VSTM4: variants seen among roughly 807,000 people sequenced by gnomAD.
VSTM4 encodes the protein V-set and transmembrane domain containing 4, also known as V-set and transmembrane domain-containing protein 4.
Under a neutral mutation model 36.4 loss-of-function variants are expected in VSTM4, and 20 were observed. That is an observed-to-expected ratio of 0.55 (90% CI 0.39 to 0.80). VSTM4 has a LOEUF of 0.80. VSTM4 is among the 30% of genes least tolerant of loss of function. The pLI, the probability that VSTM4 is intolerant of heterozygous loss-of-function variation, is 0.00. For missense variants in VSTM4, 392 were observed against 404.5 expected, an observed-to-expected ratio of 0.97 and a Z score of 0.26; for synonymous variants, 182 against 173.9, an observed-to-expected ratio of 1.05 and a Z score of -0.37.
At chr10:49,041,013 CAA>C (rs1028233982) in intron 7 of VSTM4, among the ~76,000 whole-genome samples, 7 of 152,124 alleles carry the variant, frequency 4.6e-5, no homozygotes, top group African/African-American at 1.7e-4. Context: ...AAGATGTCTC[CAA>C]ATTATTTTCT....
At chr10:49,073,799 A>G (rs1478829684) in intron 4 of VSTM4, among the ~76,000 whole-genome samples, 2 of 152,250 alleles carry the variant, frequency 1.3e-5, no homozygotes, top group African/African-American at 4.8e-5. Flanking sequence ...GACTTTGAGT[A>G]ACCCTCTTGA....
At position 49,016,239 on chromosome 10, in the gene VSTM4, A is replaced by G. The variant is rs1396801091; in HGVS notation, c.*3411T>C. The G allele has an allele frequency of 3.9e-5, 6 of 152,248 alleles. No homozygotes were observed. Among genetic ancestry groups the G allele is most frequent in the African/African-American group, 1.2e-4 (5 of 41,446 alleles). 9.4% of individuals were successfully genotyped at this position (152,248 alleles called of 1,614,324 possible). A position where few individuals can be genotyped will look rare whatever the true frequency, so the allele number is the denominator to read the frequency against. On this transcript the variant is annotated 3_prime_UTR_variant, in exon 8 of 8. Coordinates refer to ENST00000332853, the MANE Select transcript of VSTM4 (RefSeq NM_001031746.5). The stretch of plus-strand genomic sequence containing the variant: ...TGACCAAAACCAGGATTTAAACAGC[A>G]GAGTAATTAGAGAGTTTATGGAAGA...
intron 1 of VSTM4, among the ~76,000 whole-genome samples, chr10:49,111,489 G>A (rs866302259): frequency 6.6e-6 from 1 of 152,156 alleles, no homozygotes; most frequent in Non-Finnish European, 1.5e-5. Context: ...GGTGTCACTC[G>A]CCCCCTCCTC....
At chr10:49,105,330 G>T (rs367831428) in intron 2 of VSTM4, among the ~76,000 whole-genome samples, 2 of 79,544 alleles carry the variant, frequency 2.5e-5, no homozygotes, top group Non-Finnish European at 4.5e-5. Flanking sequence ...AGAGAGAGAC[G>T]GGGGGGGGAG....
chr10:49,095,861 T>A (rs549382552), intron 2 of VSTM4, among the ~76,000 whole-genome samples: 16 of 152,306 alleles, frequency 1.1e-4, no homozygotes, highest in African/African-American at 3.4e-4. Flanking sequence ...ATCAAACATC[T>A]CCATCTGTAC....
At chr10:49,066,788 A>T (rs904764869) in intron 4 of VSTM4, among the ~76,000 whole-genome samples, 1 of 152,162 alleles carries the variant, frequency 6.6e-6, no homozygotes, top group African/African-American at 2.4e-5. Context: ...CTAATAAGTC[A>T]ATCTAAAAAA....
chr10:49,075,248 C>T (rs527262280), intron 4 of VSTM4, among the ~76,000 whole-genome samples: 26 of 152,248 alleles, frequency 1.7e-4, no homozygotes, highest in Non-Finnish European at 3.4e-4. Context: ...TTCCCTGATC[C>T]TGTCTAGGGC....
At chr10:49,053,156 G>A (rs1190576444) in intron 5 of VSTM4, among the ~76,000 whole-genome samples, 1 of 152,212 alleles carries the variant, frequency 6.6e-6, no homozygotes, top group Admixed American at 6.5e-5. Context: ...AAACAGGCCC[G>A]CCCGGAAACT....
chr10:49,088,596 C>T (rs1396452268), intron 2 of VSTM4, among the ~76,000 whole-genome samples: 1 of 152,226 alleles, frequency 6.6e-6, no homozygotes, highest in Non-Finnish European at 1.5e-5. Flanking sequence ...GGAGCGGAGC[C>T]TAGAACCTGC....
chr10:49,064,815 C>T, intron 4 of VSTM4, 79 bp from the exon 5 acceptor site: 2 of 1,496,190 alleles, frequency 1.3e-6, no homozygotes, highest in Non-Finnish European at 1.8e-6. Flanking sequence ...CAAGGAAATG[C>T]CGGGAGCCAG....
intron 7 of VSTM4, among the ~76,000 whole-genome samples, chr10:49,029,031 C>A (rs1165406951): frequency 1.3e-5 from 2 of 152,150 alleles, no homozygotes; most frequent in African/African-American, 4.8e-5. Flanking sequence ...ACAAACTCTC[C>A]CCTAACAACA....
intron 2 of VSTM4, 24 bp from the exon 3 acceptor site, chr10:49,086,047 A>C (rs1844365329): frequency 3.3e-6 from 5 of 1,519,578 alleles, no homozygotes; most frequent in Middle Eastern, 1.7e-4. Flanking sequence ...AAGAAACAGC[A>C]CAGTATGAAA....
At chr10:49,067,904 T>C (rs1200599522) in intron 4 of VSTM4, among the ~76,000 whole-genome samples, 1 of 152,194 alleles carries the variant, frequency 6.6e-6, no homozygotes, top group East Asian at 1.9e-4. Flanking sequence ...AAGACCCTTA[T>C]ATAAAATGGA....
At chr10:49,103,984 A>C in intron 2 of VSTM4, 1 of 751,252 alleles carries the variant, frequency 1.3e-6, no homozygotes, top group South Asian at 1.9e-5. Context: ...CGGACCACAG[A>C]ACTTCTCATC....
chr10:49,028,374 G>T (rs1843294838), intron 7 of VSTM4, among the ~76,000 whole-genome samples: 1 of 152,188 alleles, frequency 6.6e-6, no homozygotes, highest in African/African-American at 2.4e-5. Flanking sequence ...TGCCAACAAT[G>T]AGGTACTATA....
Position 49,070,666 on chromosome 10 carries a change from G to A in VSTM4, c.635-5930C>T, listed in dbSNP as rs189742151. On this transcript the variant is annotated intron_variant, in intron 4 of 7. Transcript: ENST00000332853. ...CATTCCAATGTTAGAGAAGAGTCAG[G>A]AGTTCAGAAGACCCACTTTATAAAT... Among the ~76,000 whole-genome samples the A allele has an allele frequency of 2.0e-5, 3 of 152,350 alleles. No individual in the cohort carries two copies. The East Asian group carries it at 5.8e-4, about 29-fold the overall frequency.
intron 2 of VSTM4, among the ~76,000 whole-genome samples, chr10:49,097,780 A>G (rs576895380): frequency 1.3e-5 from 2 of 152,228 alleles, no homozygotes; most frequent in Admixed American, 1.3e-4. Context: ...TGAAATTGTC[A>G]TCTCATTTCA....
intron 2 of VSTM4, among the ~76,000 whole-genome samples, chr10:49,104,466 C>A (rs556222561): frequency 6.6e-6 from 1 of 152,172 alleles, no homozygotes; most frequent in African/African-American, 2.4e-5. Flanking sequence ...CTCTGCACAG[C>A]CCCAGCCTGG....
In VSTM4 at chr10:49,019,349, A is replaced by C. The variant is rs1317456386; in HGVS notation, c.*301T>G. 2 of 236,668 alleles carry C rather than the reference A, an allele frequency of 8.5e-6. No individual in the cohort carries two copies. The highest frequency in any genetic ancestry group is 8.0e-6 in the Non-Finnish European group (1 of 124,448). The allele number at this position is 236,668 out of a possible 1,614,324, so 14.7% of individuals were successfully genotyped here. On this transcript the variant is annotated 3_prime_UTR_variant, in exon 8 of 8. Coordinates refer to ENST00000332853, the MANE Select transcript of VSTM4 (RefSeq NM_001031746.5). Reference sequence around the variant, plus strand: ...GAAAACCTGGGGAAAGAGGAGAAAAATGTGAAGGGGTTTGGCTCAGCAGAA... The same window carrying C: ...GAAAACCTGGGGAAAGAGGAGAAAACTGTGAAGGGGTTTGGCTCAGCAGAA...
Sources: allele counts gnomAD v4.1 joint callset (sites outside exome capture counted in the v4.1 genomes callset), GRCh38; gene constraint gnomAD v4.1.1; transcripts MANE v1.5; gene names NCBI Gene and HGNC (gene_info 2026-07-23, HGNC 2026-07-21).